FRMD4A: variants seen among roughly 807,000 people sequenced by gnomAD.
FRMD4A encodes the protein FERM domain-containing protein 4A.
A neutral mutation model predicts 129.1 loss-of-function variants in FRMD4A; 29 were observed. The observed-to-expected ratio is 0.22, with a 90% CI of 0.17 to 0.31. The LOEUF is 0.31. Among genes scored for constraint, FRMD4A ranks in the 10% least tolerant of loss-of-function variants. The probability of loss-of-function intolerance (pLI) is 1.00; values close to 1 mark genes in which losing one functional copy is unlikely to be tolerated. For synonymous variants in FRMD4A, 634 were observed against 571.6 expected, an observed-to-expected ratio of 1.11 and a Z score of -1.56; for missense variants, 1,272 against 1,375.8, an observed-to-expected ratio of 0.92 and a Z score of 1.19.
chr10:13,811,854 A>G (rs1564842576), intron 3 of FRMD4A, among the ~76,000 whole-genome samples: 2 of 150,628 alleles, frequency 1.3e-5, no homozygotes, highest in African/African-American at 4.9e-5. Context: ...CACTCACCAG[A>G]TATTAGGAAA....
At chr10:14,047,634 C>T (rs1186015835) in intron 2 of FRMD4A, among the ~76,000 whole-genome samples, 3 of 152,174 alleles carry the variant, frequency 2.0e-5, no homozygotes, top group Non-Finnish European at 4.4e-5. Context: ...TGTACTAGTC[C>T]TCAATAATCC....
chr10:14,053,318 C>CT (rs1834352419), intron 2 of FRMD4A, among the ~76,000 whole-genome samples: 1 of 152,134 alleles, frequency 6.6e-6, no homozygotes. Context: ...GGTGAGATCC[C>CT]TGTGAGTAAT....
chr10:14,042,686 G>C (rs567375858), intron 2 of FRMD4A, among the ~76,000 whole-genome samples: 1 of 151,974 alleles, frequency 6.6e-6, no homozygotes, highest in African/African-American at 2.4e-5. Flanking sequence ...AAAACAGGCC[G>C]GCGCAGTGGC....
intron 2 of FRMD4A, among the ~76,000 whole-genome samples, chr10:14,117,376 G>A (rs147981631): frequency 6.6e-6 from 1 of 152,344 alleles, no homozygotes; most frequent in East Asian, 1.9e-4. Context: ...AATTGTACAA[G>A]CAACAACCTG....
At chr10:13,892,007 G>A (rs1408706048) in intron 2 of FRMD4A, among the ~76,000 whole-genome samples, 1 of 150,544 alleles carries the variant, frequency 6.6e-6, no homozygotes, top group Non-Finnish European at 1.5e-5. Flanking sequence ...GCCCGATCCT[G>A]GACAACAATG....
chr10:14,070,654 AG>A (rs1442025156), intron 2 of FRMD4A, among the ~76,000 whole-genome samples: 5 of 152,164 alleles, frequency 3.3e-5, no homozygotes, highest in African/African-American at 1.2e-4. Flanking sequence ...TCTATGTTGT[AG>A]TACTATTATT....
chr10:14,071,123 G>A (rs988342146), intron 2 of FRMD4A, among the ~76,000 whole-genome samples: 3 of 152,222 alleles, frequency 2.0e-5, no homozygotes, highest in Admixed American at 6.5e-5. Context: ...TTCTTGATTT[G>A]CCTTTCTGAT....
chr10:13,965,801 C>T (rs1490149299), intron 2 of FRMD4A, among the ~76,000 whole-genome samples: 1 of 152,204 alleles, frequency 6.6e-6, no homozygotes, highest in African/African-American at 2.4e-5. Context: ...TTTCTCTTCT[C>T]TCTCTGTAGA....
At chr10:14,065,990 T>C (rs1310845713) in intron 2 of FRMD4A, among the ~76,000 whole-genome samples, 1 of 127,750 alleles carries the variant, frequency 7.8e-6, no homozygotes, top group Non-Finnish European at 1.7e-5. Context: ...TGAGGAAGTA[T>C]GAAGTGGGGG....
At chr10:14,156,162 G>A (rs140695569) in intron 2 of FRMD4A, among the ~76,000 whole-genome samples, 190 of 152,208 alleles carry the variant, frequency 1.2e-3, no homozygotes, top group Non-Finnish European at 2.3e-3. Context: ...ATGACTTGCG[G>A]TATATTCACA....
At chr10:14,048,356 G>A (rs1834078089) in intron 2 of FRMD4A, among the ~76,000 whole-genome samples, 2 of 152,208 alleles carry the variant, frequency 1.3e-5, no homozygotes, top group Admixed American at 6.5e-5. Context: ...CCTCTTAATA[G>A]CACGTCGTCT....
At chr10:14,258,187 A>G (rs532402515) in intron 2 of FRMD4A, among the ~76,000 whole-genome samples, 1 of 151,940 alleles carries the variant, frequency 6.6e-6, no homozygotes, top group Admixed American at 6.5e-5. Context: ...ACTTCAAAAA[A>G]TATAGAACTT....
chr10:14,018,435 G>A (rs112369105), intron 2 of FRMD4A, among the ~76,000 whole-genome samples: 2,807 of 107,736 alleles, frequency 0.026, 99 homozygotes, highest in African/African-American at 0.1. Flanking sequence ...CAGCCTGGGC[G>A]ACAATGCAAG....
At chr10:13,786,887 T>A (rs1012924002) in intron 5 of FRMD4A, among the ~76,000 whole-genome samples, 2 of 152,202 alleles carry the variant, frequency 1.3e-5, no homozygotes, top group Non-Finnish European at 2.9e-5. Flanking sequence ...CTTAAAAGAA[T>A]CTCATTTGCT....
intron 2 of FRMD4A, among the ~76,000 whole-genome samples, chr10:14,126,815 T>C (rs1838867758): frequency 6.6e-5 from 10 of 151,370 alleles, no homozygotes; most frequent in Admixed American, 6.6e-4. Flanking sequence ...GGAGAAGAAA[T>C]CAATAGGAAT....
At chr10:13,963,857 G>A (rs750370703) in intron 2 of FRMD4A, among the ~76,000 whole-genome samples, 3 of 152,158 alleles carry the variant, frequency 2.0e-5, no homozygotes, top group Non-Finnish European at 4.4e-5. Context: ...GCCAGTGTTA[G>A]AGCATTAGGT....
chr10:13,717,416 C>T (rs552094477), intron 12 of FRMD4A, among the ~76,000 whole-genome samples: 56 of 152,190 alleles, frequency 3.7e-4, no homozygotes, highest in African/African-American at 1.2e-3. Flanking sequence ...CGGGTTCAAG[C>T]GATTCTCCTG....
intron 12 of FRMD4A, among the ~76,000 whole-genome samples, chr10:13,735,146 T>G (rs1181513513): frequency 6.6e-6 from 1 of 152,250 alleles, no homozygotes; most frequent in Non-Finnish European, 1.5e-5. Context: ...GTGCTGGGAT[T>G]ACAGGCGTGA....
At position 14,158,837 on chromosome 10, in the gene FRMD4A, AGAGGAGGAGGAGGAGGAG is replaced by A. The variant is rs71388159; in HGVS notation, c.45+171203_45+171220del. 2.4e-3 allele frequency among the ~76,000 whole-genome samples: 335 copies of A among 137,130 alleles called. 4 individuals are homozygous for A. Among genetic ancestry groups the A allele is most frequent in the African/African-American group, 8.0e-3 (294 of 36,810 alleles). The allele number at this position is 137,130 out of a possible 152,430, so 90.0% of individuals were successfully genotyped here. A position where few individuals can be genotyped will look rare whatever the true frequency, so the allele number is the denominator to read the frequency against. On this transcript the variant is annotated intron_variant, in intron 2 of 24. Transcript: ENST00000357447. ...GAAGGAAGAAGAGGGAGGAGGAGAA[AGAGGAGGAGGAGGAGGAG>A]GAGGAGGAGGAGGAGGAGGTAGCCT...
Sources: allele counts gnomAD v4.1 joint callset (sites outside exome capture counted in the v4.1 genomes callset), GRCh38; gene constraint gnomAD v4.1.1; transcripts MANE v1.5; gene names NCBI Gene and HGNC (gene_info 2026-07-23, HGNC 2026-07-21).